RNF19A: variants seen among roughly 807,000 people sequenced by gnomAD.
The protein encoded by RNF19A is ring finger protein 19A, RBR E3 ubiquitin protein ligase.
In RNF19A, 32 loss-of-function variants were observed where a neutral mutation model predicts 75.7. The observed-to-expected ratio is 0.42, with a 90% CI of 0.32 to 0.57. The LOEUF (loss-of-function observed/expected upper bound fraction) is 0.57. Ranked by LOEUF, RNF19A falls within the 20% of genes least tolerant of loss-of-function variation. RNF19A has a pLI of 0.10. For missense variants in RNF19A, 782 were observed against 1,036.3 expected, an observed-to-expected ratio of 0.75 and a Z score of 3.37; for synonymous variants, 335 against 345.2, an observed-to-expected ratio of 0.97 and a Z score of 0.33.
rs764408643 is a variant in RNF19A, at chr8:100,275,058, G to C, written c.778C>G (p.Pro260Ala). ...FCYHCKQIWH[P>A]NQTCDAARQE... ...CGAGCAGCATCACAGGTCTGGTTGG[G>C]GTGCCAAATCTGTTTACAGTGGTAG... is the stretch of plus-strand genomic sequence containing the variant. The change falls in exon 3 of 10, where the codon CCC (proline) becomes GCC (alanine). Residue 260 changes from proline to alanine, a missense_variant. By Grantham distance (27) the Pro-to-Ala change is conservative (BLOSUM62 -1). Around this residue, in one of 7 missense-constraint regions of RNF19A, gnomAD observed 85 missense variants for 177.7 expected, o/e 0.48. Transcript: ENST00000341084. The surrounding 1 kb of genome is among the most constrained non-coding windows in gnomAD (Gnocchi z 4.3). 6.2e-7 allele frequency: 1 copy of C among 1,614,022 alleles called. No individual in the cohort carries two copies. The highest frequency in any genetic ancestry group is 8.5e-7 in the Non-Finnish European group (1 of 1,179,964).
rs1363469590 is a variant in RNF19A, at chr8:100,264,628, C to G, written c.1306+43G>C. The G allele has an allele frequency of 7.8e-7, 1 of 1,285,228 alleles. No homozygotes were observed. Among genetic ancestry groups the G allele is most frequent in the Non-Finnish European group, 1.1e-6 (1 of 898,338 alleles). The allele number at this position is 1,285,228 out of a possible 1,614,324, so 79.6% of individuals were successfully genotyped here. A position where few individuals can be genotyped will look rare whatever the true frequency, so the allele number is the denominator to read the frequency against. On this transcript the variant is annotated intron_variant, in intron 6 of 9. Coordinates refer to ENST00000341084, the MANE Select transcript of RNF19A (RefSeq NM_183419.4). This position sits in a 1 kb window ranked among gnomAD's most constrained non-coding sequence, Gnocchi z 4.7. ...AAAATCCTTCCACAAAACTTTAACT[C>G]CATAAAATTGTAGGTAATTAGTACT...
At chr8:100,299,141 C>A (rs915153722) in intron 1 of RNF19A, among the ~76,000 whole-genome samples, 8 of 152,114 alleles carry the variant, frequency 5.3e-5, no homozygotes, top group African/African-American at 1.9e-4. Flanking sequence ...AGATCTTAAC[C>A]AAGTTTACCT....
At chr8:100,291,066 T>C (rs1251641016) in intron 1 of RNF19A, among the ~76,000 whole-genome samples, 1 of 152,014 alleles carries the variant, frequency 6.6e-6, no homozygotes, top group African/African-American at 2.4e-5. Flanking sequence ...AAACATCCAG[T>C]ATTGTATGTA....
chr8:100,302,542 G>C (rs1382719355), intron 1 of RNF19A, among the ~76,000 whole-genome samples: 1 of 152,178 alleles, frequency 6.6e-6, no homozygotes, highest in East Asian at 1.9e-4. Context: ...GACAAGCCCA[G>C]AGATTAGGAA....
In RNF19A at chr8:100,330,360, T is replaced by C. The variant is rs1440387921; in HGVS notation, c.-243+5748A>G. ...GCATCCTGATTTATTTGGAGACCCA[T>C]CCCTCCCTCATTCTTGGTTCATAAT... On this transcript the variant is annotated intron_variant, in intron 1 of 3. Transcript: ENST00000519527. The surrounding 1 kb of genome is among the most constrained non-coding windows in gnomAD (Gnocchi z 4.1). Among the ~76,000 whole-genome samples the C allele has an allele frequency of 6.6e-6, 1 of 152,088 alleles. No homozygotes were observed. The highest frequency in any genetic ancestry group is 2.1e-4 in the South Asian group (1 of 4,788).
chr8:100,306,897 C>G (rs1822083745), intron 1 of RNF19A, among the ~76,000 whole-genome samples: 1 of 152,166 alleles, frequency 6.6e-6, no homozygotes, highest in Admixed American at 6.5e-5. Flanking sequence ...AAAAATTTAG[C>G]TATTCTCCGT....
chr8:100,290,708 T>C (rs1821253656), intron 1 of RNF19A, among the ~76,000 whole-genome samples: 1 of 152,206 alleles, frequency 6.6e-6, no homozygotes, highest in African/African-American at 2.4e-5. Flanking sequence ...GAGAAATGTG[T>C]CATTAGGTGA....
At chr8:100,270,607 G>A (rs1035207238) in intron 3 of RNF19A, among the ~76,000 whole-genome samples, 2 of 152,054 alleles carry the variant, frequency 1.3e-5, no homozygotes, top group Non-Finnish European at 2.9e-5. Flanking sequence ...TCACACAAAA[G>A]AGAGATGGAC....
chr8:100,316,898 G>A (rs1822387240), intron 1 of RNF19A, among the ~76,000 whole-genome samples: 1 of 152,250 alleles, frequency 6.6e-6, no homozygotes, highest in African/African-American at 2.4e-5. Flanking sequence ...ATGGCGGGCT[G>A]CAGGTCCGGA....
rs770709090 is a variant in RNF19A at position 100,331,244 on chromosome 8, G to A, written c.-243+4864C>T. ...CAGTTTGGAGAGAATCCAAGTGGCCGTCCTTTTGAACCTTGATTTCACATA... is the reference window on the plus strand; with the variant it reads ...CAGTTTGGAGAGAATCCAAGTGGCCATCCTTTTGAACCTTGATTTCACATA... On this transcript the variant is annotated intron_variant, in intron 1 of 3. Transcript: ENST00000519527. This position sits in a 1 kb window ranked among gnomAD's most constrained non-coding sequence, Gnocchi z 5.2. 1.3e-5 allele frequency among the ~76,000 whole-genome samples: 2 copies of A among 152,180 alleles called. No homozygotes were observed. Among genetic ancestry groups the A allele is most frequent in the Non-Finnish European group, 2.9e-5 (2 of 68,036 alleles).
Position 100,332,026 on chromosome 8 carries a change from T to A in RNF19A, c.-243+4082A>T, listed in dbSNP as rs1367299090. Among the ~76,000 whole-genome samples the A allele has an allele frequency of 1.3e-5, 2 of 152,214 alleles. No individual in the cohort carries two copies. The highest frequency in any genetic ancestry group is 2.9e-5 in the Non-Finnish European group (2 of 68,038). On this transcript the variant is annotated intron_variant, in intron 1 of 3. Coordinates refer to the RNF19A transcript ENST00000519527. This position sits in a 1 kb window ranked among gnomAD's most constrained non-coding sequence, Gnocchi z 4.8. ...TAATTTCCTATTGGTATACCTTATGTTGTTTCCAATATTATGCTCCTACAA... is the reference window on the plus strand; with the variant it reads ...TAATTTCCTATTGGTATACCTTATGATGTTTCCAATATTATGCTCCTACAA...
Position 100,323,737 on chromosome 8 carries a change from T to C in RNF19A, c.-242-10365A>G, listed in dbSNP as rs1305353532. On this transcript the variant is annotated intron_variant, in intron 1 of 3. Transcript: ENST00000519527. The surrounding 1 kb of genome is among the most constrained non-coding windows in gnomAD (Gnocchi z 4.6). The stretch of plus-strand genomic sequence containing the variant: ...ATGAAAAGATAGGCAAGAGATGACA[T>C]ATAATAACTTGAACATATCAGCTGA... 2.6e-5 allele frequency among the ~76,000 whole-genome samples: 4 copies of C among 152,166 alleles called. No individual in the cohort carries two copies. Among genetic ancestry groups the C allele is most frequent in the Non-Finnish European group, 4.4e-5 (3 of 68,026 alleles).
chr8:100,307,501 T>A (rs1478855104), intron 1 of RNF19A, among the ~76,000 whole-genome samples: 5 of 151,952 alleles, frequency 3.3e-5, no homozygotes, highest in South Asian at 2.1e-4. Flanking sequence ...AACCAAAAAA[T>A]TTCTATATAA....
chr8:100,263,980 C>T (rs1819848827), intron 7 of RNF19A, 54 bp downstream of exon 7: 1 of 1,480,910 alleles, frequency 6.8e-7, no homozygotes, highest in African/African-American at 1.4e-5. Context: ...TCTGGCCTCC[C>T]CACTACTTAC....
At chr8:100,266,761 C>G (rs114582565) in intron 5 of RNF19A, among the ~76,000 whole-genome samples, 1,593 of 152,216 alleles carry the variant, frequency 0.01, 29 homozygotes, top group African/African-American at 0.035. Flanking sequence ...AATCCTCCCT[C>G]CTCACCCTCC....
At chr8:100,305,316 A>G (rs986370066) in intron 1 of RNF19A, among the ~76,000 whole-genome samples, 22 of 152,224 alleles carry the variant, frequency 1.4e-4, no homozygotes, top group African/African-American at 4.8e-4. Context: ...AATAACTCCA[A>G]TTCGAAGGTG....
chr8:100,287,851 A>C lies in RNF19A; in HGVS notation c.324T>G (p.Ile108Met). Residue 108 changes from isoleucine to methionine, a missense_variant, in exon 2 of 10, where the codon ATT becomes ATG. Physicochemically the swap from Ile to Met is conservative, Grantham distance 10. Around this residue, in one of 7 missense-constraint regions of RNF19A, gnomAD observed 148 missense variants for 147.9 expected, o/e 1.00. Transcript: ENST00000341084. The surrounding 1 kb of genome is among the most constrained non-coding windows in gnomAD (Gnocchi z 4.1). ...HSEMCTDKNS[I>M]FSTNTSSDNG... ...TGTCAGAAGAGGTATTTGTAGAGAA[A>C]ATGGAGTTCTTATCAGTACACATTT... 4 of 1,614,198 alleles carry C rather than the reference A, an allele frequency of 2.5e-6. No homozygotes were observed. The highest frequency in any genetic ancestry group is 2.5e-6 in the Non-Finnish European group (3 of 1,180,030).
chr8:100,306,616 T>C (rs376029440), intron 1 of RNF19A, among the ~76,000 whole-genome samples: 3 of 152,208 alleles, frequency 2.0e-5, no homozygotes, highest in East Asian at 3.8e-4. Flanking sequence ...CACTGACATA[T>C]GATAACTTTT....
chr8:100,300,585 C>G (rs1006434716), intron 1 of RNF19A: 4 of 152,006 alleles, frequency 2.6e-5, no homozygotes, highest in African/African-American at 9.7e-5. Context: ...CCCAGGAATT[C>G]CAGGCTGCAG....
Sources: gnomAD v4.1 joint callset for allele counts (sites outside exome capture counted in the v4.1 genomes callset) on GRCh38, gnomAD v4.1.1 for gene constraint, gnomAD v4.1.1 regional missense constraint, Gnocchi (gnomAD v3.1) non-coding constraint, MANE v1.5 for transcripts, NCBI Gene and HGNC (gene_info 2026-07-23, HGNC 2026-07-21) for gene names.